The following STAB2 variants were observed in gnomAD, a reference collection of about 807,000 sequenced individuals.
STAB2 encodes the protein stabilin-2.
Under a neutral mutation model 338.1 loss-of-function variants are expected in STAB2, and 288 were observed. The observed-to-expected ratio is 0.85, with a 90% CI of 0.77 to 0.94. STAB2 has a LOEUF of 0.94. Among genes scored for constraint, STAB2 ranks in the 40% least tolerant of loss-of-function variants. The pLI, the probability that STAB2 is intolerant of heterozygous loss-of-function variation, is 0.00. For missense variants in STAB2, 3,141 were observed against 3,210.1 expected (o/e 0.98, Z 0.52); for synonymous variants, 1,202 against 1,193.3 (o/e 1.01, Z -0.15).
At chr12:103,672,485 C>A (rs1489881300) in intron 22 of STAB2, among the ~76,000 whole-genome samples, 2 of 152,130 alleles carry the variant, frequency 1.3e-5, no homozygotes, top group African/African-American at 4.8e-5. Flanking sequence ...TAAATGCTGA[C>A]TTCCCTAAAA....
intron 5 of STAB2, among the ~76,000 whole-genome samples, chr12:103,625,995 T>G (rs1957375485): frequency 6.6e-6 from 1 of 152,186 alleles, no homozygotes; most frequent in Non-Finnish European, 1.5e-5. Flanking sequence ...AGTGTTCCTA[T>G]TTCTCCACAT....
chr12:103,610,901 T>G (rs1957112378), intron 3 of STAB2, among the ~76,000 whole-genome samples: 2 of 152,212 alleles, frequency 1.3e-5, no homozygotes, highest in Admixed American at 1.3e-4. Context: ...TTGTTCTCAT[T>G]GGTTTCAAAG....
chr12:103,602,650 T>C (rs1442814487), intron 3 of STAB2, among the ~76,000 whole-genome samples: 1 of 152,260 alleles, frequency 6.6e-6, no homozygotes, highest in Non-Finnish European at 1.5e-5. Flanking sequence ...TCAGATTTTT[T>C]ATAGCCACTC....
Position 103,656,776 on chromosome 12 carries a change from TC to T in STAB2, c.1734+1198del, listed in dbSNP as rs1201492097. Among the ~76,000 whole-genome samples the T allele has an allele frequency of 2.7e-3, 404 of 150,092 alleles. 2 individuals are homozygous for T. The highest frequency in any genetic ancestry group is 9.5e-3 in the African/African-American group (386 of 40,706). ...ATCTCGGCTCACTGCAAGCTCCGCT[TC>T]CCGGGTTCACGCCATTCTCCTGCCT... is the stretch of plus-strand genomic sequence containing the variant. On this transcript the variant is annotated intron_variant, in intron 15 of 68. Coordinates refer to ENST00000388887, the MANE Select transcript of STAB2 (RefSeq NM_017564.10).
chr12:103,675,450 G>A (rs1209968930), intron 23 of STAB2, among the ~76,000 whole-genome samples: 2 of 152,194 alleles, frequency 1.3e-5, no homozygotes, highest in Non-Finnish European at 2.9e-5. Context: ...AAGAGCTGTT[G>A]CATAGAAGAC....
chr12:103,638,185 A>G lies in STAB2; in HGVS notation c.879A>G (p.Thr293=), dbSNP rs775048241. 6.3e-5 allele frequency: 102 copies of G among 1,614,100 alleles called. No individual in the cohort carries two copies. The highest frequency in any genetic ancestry group is 5.0e-5 in the Admixed American group (3 of 60,010). The part of the protein sequence containing the change: ...INFGNCPTKS[T]VCKYDGPGQS... Reference sequence around the variant, plus strand: ...TTGGAAACTGCCCTACAAAGTCTACAGTGTGCAAATATGATGGGCCTGGAC... The same window carrying G: ...TTGGAAACTGCCCTACAAAGTCTACGGTGTGCAAATATGATGGGCCTGGAC... The change falls in exon 8 of 69, where the codon ACA becomes ACG. Residue 293 remains threonine, a synonymous_variant. Transcript: ENST00000388887.
chr12:103,713,764 C>T lies in STAB2; in HGVS notation c.4533C>T (p.Cys1511=), dbSNP rs1363052066. The stretch of plus-strand genomic sequence containing the variant: ...GCTACACGGGTGATGGCATTGTGTG[C>T]CTGGGTAGGTGTCCTTCCCTCTTCC... ...KAGYTGDGIV[C]LEINPCLENH... Residue 1511 remains cysteine (C), a synonymous_variant, in exon 42 of 69, where the codon TGC becomes TGT. Coordinates refer to ENST00000388887, the MANE Select transcript of STAB2 (RefSeq NM_017564.10). 6 of 1,613,646 alleles carry T rather than the reference C, an allele frequency of 3.7e-6. No individual in the cohort carries two copies. Among genetic ancestry groups the T allele is most frequent in the Non-Finnish European group, 5.1e-6 (6 of 1,179,718 alleles).
rs1173640546 is a variant in STAB2, at chr12:103,758,236, T to C, written c.7054T>C (p.Ser2352Pro). The C allele has an allele frequency of 6.8e-6, 11 of 1,614,124 alleles. No individual in the cohort carries two copies. The highest frequency in any genetic ancestry group is 8.5e-6 in the Non-Finnish European group (10 of 1,180,034). ...ATTTCTAGAACACCTGACTGACCTG[T>C]CCATCCGCGGCACCCTCTTTGTGCC... ...RAFLEHLTDL[S>P]IRGTLFVPQN... Residue 2352 changes from serine to proline, a missense_variant, in exon 64 of 69, where the codon TCC becomes CCC. Physicochemically the swap from Ser to Pro is moderately conservative, Grantham distance 74. Coordinates refer to ENST00000388887, the MANE Select transcript of STAB2 (RefSeq NM_017564.10).
chr12:103,726,074 T>G, intron 45 of STAB2, 42 bp from the exon 46 acceptor site: 3 of 1,609,710 alleles, frequency 1.9e-6, no homozygotes, highest in Non-Finnish European at 2.6e-6. Flanking sequence ...TGTTCTAATA[T>G]ATATTTCACA....
intron 63 of STAB2, among the ~76,000 whole-genome samples, chr12:103,756,993 G>GAAAAA (rs146893760): frequency 6.5e-4 from 10 of 15,268 alleles, no homozygotes; most frequent in Admixed American, 3.9e-3. Flanking sequence ...CAGAAGGAGG[G>GAAAAA]AAAATATATA....
At chr12:103,695,467 A>T (rs1878313986) in intron 31 of STAB2, 83 bp from the exon 32 acceptor site, 2 of 1,265,546 alleles carry the variant, frequency 1.6e-6, no homozygotes, top group Admixed American at 3.8e-5. Flanking sequence ...AAAGAGGTTA[A>T]TGGCATTAGA....
At chr12:103,739,163 G>C (rs1349959388) in intron 53 of STAB2, among the ~76,000 whole-genome samples, 1 of 147,310 alleles carries the variant, frequency 6.8e-6, no homozygotes, top group Non-Finnish European at 1.5e-5. Context: ...TTTTTTTACA[G>C]TTGGAGTCTT....
chr12:103,670,835 C>A, intron 22 of STAB2, 28 bp downstream of exon 22: 1 of 1,579,984 alleles, frequency 6.3e-7, no homozygotes, highest in Non-Finnish European at 8.7e-7. Context: ...AGCTTCCTTC[C>A]ACTCCTAAGC....
Position 103,662,950 on chromosome 12 carries a change from C to T in STAB2, c.1974C>T (p.Val658=). Residue 658 remains valine (V), a synonymous_variant, in exon 18 of 69, where the codon GTC becomes GTT. Transcript: ENST00000388887. ...LTGVLIPPSI[V]PILPHRCDET... ...GAGTTCTCATTCCTCCCTCCATTGT[C>T]CCGATTCTGCCCCATCGATGTGATG... 6.2e-7 allele frequency: 1 copy of T among 1,614,154 alleles called. No homozygotes were observed. Among genetic ancestry groups the T allele is most frequent in the Non-Finnish European group, 8.5e-7 (1 of 1,180,022 alleles).
intron 52 of STAB2, 79 bp downstream of exon 52, chr12:103,735,659 A>T: frequency 8.6e-7 from 1 of 1,165,504 alleles, no homozygotes; most frequent in Non-Finnish European, 1.2e-6. Context: ...TGCCCCTTCA[A>T]GGAGATGTTC....
Position 103,685,453 on chromosome 12 carries a change from T to TGTGC in STAB2, c.2997+370_2997+371insTGCG, listed in dbSNP as rs1310184381. ...GTGTGTGTGTGTGTGTGTGTGTGTG[T>TGTGC]GCGCGTGCGTGTGTGTGTGCGTGCG... On this transcript the variant is annotated intron_variant, in intron 27 of 68. Coordinates refer to ENST00000388887, the MANE Select transcript of STAB2 (RefSeq NM_017564.10). Among the ~76,000 whole-genome samples, 555 of 113,708 alleles carry TGTGC rather than the reference T, an allele frequency of 4.9e-3. 2 individuals are homozygous for TGTGC. The highest frequency in any genetic ancestry group is 8.2e-3 in the Non-Finnish European group (402 of 48,754). 74.6% of individuals were successfully genotyped at this position (113,708 alleles called of 152,430 possible).
intron 66 of STAB2, 45 bp from the exon 67 acceptor site, chr12:103,762,229 G>C (rs1566086618): frequency 6.2e-7 from 1 of 1,607,062 alleles, no homozygotes; most frequent in Non-Finnish European, 8.5e-7. Flanking sequence ...CTTTTGGGGA[G>C]TCAGAAGTTT....
At chr12:103,685,113 A>G (rs1311061804) in intron 27 of STAB2, 29 bp downstream of exon 27, 5 of 1,603,930 alleles carry the variant, frequency 3.1e-6, no homozygotes, top group Admixed American at 1.7e-5. Flanking sequence ...ACTCAATAAT[A>G]TAGACAAAAC....
chr12:103,729,299 G>A (rs1462130831), intron 48 of STAB2, among the ~76,000 whole-genome samples: 1 of 152,064 alleles, frequency 6.6e-6, no homozygotes, highest in Non-Finnish European at 1.5e-5. Context: ...AAACCCCCAT[G>A]ACACAAGTTT....
Sources: allele counts gnomAD v4.1 joint callset (sites outside exome capture counted in the v4.1 genomes callset), GRCh38; gene constraint gnomAD v4.1.1; transcripts MANE v1.5; gene names NCBI Gene and HGNC (gene_info 2026-07-23, HGNC 2026-07-21).